SEMA6D: variants seen among roughly 807,000 people sequenced by gnomAD.
SEMA6D encodes semaphorin 6D.
SEMA6D carries 35 observed loss-of-function variants against 106.6 expected under a neutral mutation model. The ratio of observed to expected loss-of-function variants is 0.33; its 90% CI spans 0.25 to 0.44. The LOEUF (loss-of-function observed/expected upper bound fraction) is 0.44, where lower values mean the gene tolerates loss of function less well. Ranked by LOEUF, SEMA6D falls within the 20% of genes least tolerant of loss-of-function variation. The probability of loss-of-function intolerance (pLI) is 1.00; values close to 1 mark genes in which losing one functional copy is unlikely to be tolerated. For missense variants in SEMA6D, 1,185 were observed against 1,345.9 expected (o/e 0.88, Z 1.87); for synonymous variants, 499 against 487.7 (o/e 1.02, Z -0.31).
At chr15:47,204,186 A>G (rs982749576) in intron 1 of SEMA6D, among the ~76,000 whole-genome samples, 10 of 152,322 alleles carry the variant, frequency 6.6e-5, no homozygotes, top group Middle Eastern at 3.4e-3. Flanking sequence ...ATCCTAAGCT[A>G]TTCAAAAGCA....
chr15:47,390,084 C>T (rs1363382187), intron 1 of SEMA6D, among the ~76,000 whole-genome samples: 2 of 152,146 alleles, frequency 1.3e-5, no homozygotes, highest in Admixed American at 1.3e-4. Flanking sequence ...AACTCAGTGG[C>T]TTAAAGTGAT....
chr15:47,498,501 G>A (rs2043744482), intron 3 of SEMA6D, among the ~76,000 whole-genome samples: 1 of 152,060 alleles, frequency 6.6e-6, no homozygotes, highest in Non-Finnish European at 1.5e-5. Context: ...CTCTTGTTTA[G>A]AATGAGGAAT....
At chr15:47,493,900 G>A (rs1020961727) in intron 3 of SEMA6D, among the ~76,000 whole-genome samples, 5 of 152,102 alleles carry the variant, frequency 3.3e-5, no homozygotes, top group Non-Finnish European at 7.4e-5. Context: ...AAACTGTTGG[G>A]AATGGAAGGT....
chr15:47,600,936 A>G (rs998110894), intron 4 of SEMA6D: 4 of 152,100 alleles, frequency 2.6e-5, no homozygotes, highest in African/African-American at 9.7e-5. Context: ...GGCAAAATCC[A>G]GCGAATTGTT....
intron 1 of SEMA6D, among the ~76,000 whole-genome samples, chr15:47,367,718 ACACACAC>A (rs763123205): frequency 0.09 from 11,479 of 127,308 alleles, 544 homozygotes; most frequent in Middle Eastern, 0.22. Context: ...ACACACACAC[ACACACAC>A]ACAGAGAGAG....
intron 1 of SEMA6D, among the ~76,000 whole-genome samples, chr15:47,331,962 C>G (rs1416753687): frequency 6.6e-6 from 1 of 152,096 alleles, no homozygotes; most frequent in African/African-American, 2.4e-5. Context: ...ATGAAGAGCT[C>G]AGTAAAACAG....
At chr15:47,588,478 A>G (rs905922034) in intron 3 of SEMA6D, among the ~76,000 whole-genome samples, 1 of 152,104 alleles carries the variant, frequency 6.6e-6, no homozygotes, top group Non-Finnish European at 1.5e-5. Flanking sequence ...TTTGTAAGCC[A>G]TGCTCCTCAG....
chr15:47,588,840 A>G (rs1433406590), intron 3 of SEMA6D, among the ~76,000 whole-genome samples: 3 of 152,198 alleles, frequency 2.0e-5, no homozygotes, highest in African/African-American at 7.2e-5. Flanking sequence ...TCACAAATGA[A>G]AAGCAGTGGT....
At chr15:47,678,659 T>G (rs1046158952) in intron 4 of SEMA6D, among the ~76,000 whole-genome samples, 1 of 152,160 alleles carries the variant, frequency 6.6e-6, no homozygotes, top group African/African-American at 2.4e-5. Context: ...CTTTTTTTTT[T>G]TTAAGCACAT....
In SEMA6D at chr15:47,771,902, AAAG is replaced by A; in HGVS notation, c.*120_*122del. 8.9e-7 allele frequency: 1 copy of A among 1,119,054 alleles called. No individual in the cohort carries two copies. Among genetic ancestry groups the A allele is most frequent in the Non-Finnish European group, 1.3e-6 (1 of 779,436 alleles). The allele number at this position is 1,119,054 out of a possible 1,614,324, so 69.3% of individuals were successfully genotyped here. On this transcript the variant is annotated 3_prime_UTR_variant, in exon 19 of 19. Coordinates refer to ENST00000536845, the MANE Select transcript of SEMA6D (RefSeq NM_001358351.3). ...TGTATTTTAAGAGAACCAAGTGGCCAAAGAAACTCTTTCTAACTTTGGCAACAT... is the reference window on the plus strand; with the variant it reads ...TGTATTTTAAGAGAACCAAGTGGCCAAAACTCTTTCTAACTTTGGCAACAT...
intron 2 of SEMA6D, among the ~76,000 whole-genome samples, chr15:47,416,076 A>G (rs976954531): frequency 1.3e-5 from 2 of 152,174 alleles, no homozygotes; most frequent in African/African-American, 4.8e-5. Flanking sequence ...AACCAAGAGT[A>G]TCATCCATTT....
At chr15:47,243,297 C>A (rs979266266) in intron 1 of SEMA6D, among the ~76,000 whole-genome samples, 2 of 152,026 alleles carry the variant, frequency 1.3e-5, no homozygotes, top group Admixed American at 1.3e-4. Context: ...ATAGCATCAA[C>A]CCATGAACTG....
At chr15:47,615,348 C>T (rs930130438) in intron 4 of SEMA6D, among the ~76,000 whole-genome samples, 1 of 152,062 alleles carries the variant, frequency 6.6e-6, no homozygotes, top group Non-Finnish European at 1.5e-5. Context: ...AAGCAACTTG[C>T]GCATCTGTGG....
intron 4 of SEMA6D, among the ~76,000 whole-genome samples, chr15:47,663,627 A>C (rs1374949078): frequency 6.6e-6 from 1 of 152,188 alleles, no homozygotes; most frequent in Non-Finnish European, 1.5e-5. Context: ...CAGTGATCAT[A>C]GTTCTTCACC....
intron 4 of SEMA6D, among the ~76,000 whole-genome samples, chr15:47,655,377 A>G (rs1374668484): frequency 6.6e-6 from 1 of 152,234 alleles, no homozygotes; most frequent in Non-Finnish European, 1.5e-5. Context: ...GACTGTTGTC[A>G]TAATTTCTCT....
intron 1 of SEMA6D, among the ~76,000 whole-genome samples, chr15:47,191,762 G>A (rs190052852): frequency 1.0e-3 from 153 of 152,242 alleles, no homozygotes; most frequent in African/African-American, 3.3e-3. Context: ...TCTCAATTTA[G>A]GAGATGGTAT....
At chr15:47,709,027 A>G (rs2078966446) in intron 4 of SEMA6D, among the ~76,000 whole-genome samples, 1 of 152,184 alleles carries the variant, frequency 6.6e-6, no homozygotes, top group African/African-American at 2.4e-5. Context: ...GAGGTTGACC[A>G]TTAAGGGCTG....
chr15:47,504,755 G>A (rs1182634716), intron 3 of SEMA6D, among the ~76,000 whole-genome samples: 1 of 152,092 alleles, frequency 6.6e-6, no homozygotes, highest in African/African-American at 2.4e-5. Flanking sequence ...ATGCAAGTGT[G>A]TCTTCTCAGA....
At chr15:47,502,776 C>T (rs1354145927) in intron 3 of SEMA6D, among the ~76,000 whole-genome samples, 1 of 152,162 alleles carries the variant, frequency 6.6e-6, no homozygotes, top group African/African-American at 2.4e-5. Flanking sequence ...TTCCTGCCTT[C>T]AAACATTCCT....
Sources: allele counts gnomAD v4.1 joint callset (sites outside exome capture counted in the v4.1 genomes callset), GRCh38; gene constraint gnomAD v4.1.1; transcripts MANE v1.5; gene names NCBI Gene and HGNC (gene_info 2026-07-23, HGNC 2026-07-21).